The following STK32B variants were observed in gnomAD, a reference collection of about 807,000 sequenced individuals.
The protein encoded by STK32B is serine/threonine-protein kinase 32B.
Under a neutral mutation model 52.6 loss-of-function variants are expected in STK32B, and 43 were observed. The observed-to-expected ratio is 0.82, with a 90% CI of 0.64 to 1.05. STK32B has a LOEUF of 1.05. Among genes scored for constraint, STK32B ranks in the 50% least tolerant of loss-of-function variants. STK32B has a pLI of 0.00. For synonymous variants in STK32B, 238 were observed against 204.3 expected (o/e 1.17, Z -1.41); for missense variants, 621 against 534.6 (o/e 1.16, Z -1.59).
chr4:5,170,450 C>A (rs146980946), intron 3 of STK32B, among the ~76,000 whole-genome samples: 2 of 151,950 alleles, frequency 1.3e-5, no homozygotes, highest in Non-Finnish European at 2.9e-5. Flanking sequence ...CTAATGCTAT[C>A]GCTCCCCCGT....
intron 1 of STK32B, among the ~76,000 whole-genome samples, chr4:5,074,077 C>T (rs1226604867): frequency 3.3e-5 from 5 of 151,880 alleles, no homozygotes; most frequent in Non-Finnish European, 7.4e-5. Context: ...CACATCCCTC[C>T]CCCTTTTATT....
intron 4 of STK32B, among the ~76,000 whole-genome samples, chr4:5,367,009 T>C (rs1734920642): frequency 6.6e-6 from 1 of 152,112 alleles, no homozygotes; most frequent in Non-Finnish European, 1.5e-5. Flanking sequence ...TAGTAAGTAG[T>C]GAAGGGAGTT....
At chr4:5,030,120 A>T in the STK32B span, among the ~76,000 whole-genome samples, 2 of 152,320 alleles carry the variant, frequency 1.3e-5, no homozygotes, top group South Asian at 2.1e-4. Context: ...TTTCCTTTAT[A>T]AATTACCCAG....
At chr4:5,390,958 TTCTA>T (rs1399448295) in intron 4 of STK32B, among the ~76,000 whole-genome samples, 1 of 148,590 alleles carries the variant, frequency 6.7e-6, no homozygotes, top group African/African-American at 2.5e-5. Flanking sequence ...TGTGTCTCTT[TTCTA>T]TCTTTTTTTT....
intron 4 of STK32B, among the ~76,000 whole-genome samples, chr4:5,391,220 A>G (rs1487373357): frequency 6.6e-6 from 1 of 151,936 alleles, no homozygotes; most frequent in Non-Finnish European, 1.5e-5. Flanking sequence ...TTGGCCTCCT[A>G]AAGTGCTGGA....
intron 1 of STK32B, among the ~76,000 whole-genome samples, chr4:5,060,869 G>C (rs1577041366): frequency 1.3e-5 from 2 of 152,236 alleles, no homozygotes; most frequent in South Asian, 4.1e-4. Flanking sequence ...CTGAGCAAAA[G>C]ACAGCTGCCA....
intron 6 of STK32B, among the ~76,000 whole-genome samples, chr4:5,429,472 T>C (rs1209478832): frequency 6.6e-6 from 1 of 152,080 alleles, no homozygotes; most frequent in Non-Finnish European, 1.5e-5. Flanking sequence ...ACATCTTCAA[T>C]TAATCAGAAA....
At chr4:5,265,424 C>T (rs573014054) in intron 3 of STK32B, among the ~76,000 whole-genome samples, 1 of 152,196 alleles carries the variant, frequency 6.6e-6, no homozygotes, top group Non-Finnish European at 1.5e-5. Flanking sequence ...AGACTTGGCT[C>T]AAATATTGAC....
intron 4 of STK32B, among the ~76,000 whole-genome samples, chr4:5,346,336 A>C (rs760254159): frequency 6.6e-6 from 1 of 152,220 alleles, no homozygotes; most frequent in African/African-American, 2.4e-5. Flanking sequence ...GTAAGAGTCC[A>C]GATTTTCTCA....
At position 5,380,365 on chromosome 4, in the gene STK32B, G is replaced by T. The variant is rs537993589; in HGVS notation, c.435-17842G>T. 6.6e-6 allele frequency among the ~76,000 whole-genome samples: 1 copy of T among 152,080 alleles called. No homozygotes were observed. The highest frequency in any genetic ancestry group is 2.4e-5 in the African/African-American group (1 of 41,390). On this transcript the variant is annotated intron_variant, in intron 4 of 11. Coordinates refer to ENST00000282908, the MANE Select transcript of STK32B (RefSeq NM_018401.3). The surrounding 1 kb of genome is among the most constrained non-coding windows in gnomAD (Gnocchi z 4.3). ...TACCCAAGAGAATGCAAAAGGCCAG[G>T]CTTCTGCATTTAAAATTATACTATG...
At chr4:5,162,747 A>G (rs1718542815) in intron 2 of STK32B, among the ~76,000 whole-genome samples, 1 of 152,188 alleles carries the variant, frequency 6.6e-6, no homozygotes, top group Non-Finnish European at 1.5e-5. Context: ...AAAGGCTCTG[A>G]GCAGCCCTGC....
intron 3 of STK32B, among the ~76,000 whole-genome samples, chr4:5,310,929 G>A (rs1020546963): frequency 2.0e-5 from 3 of 152,260 alleles, no homozygotes; most frequent in Admixed American, 6.5e-5. Flanking sequence ...GATAAAATAA[G>A]CCAGGCACAG....
chr4:5,104,357 A>G (rs962030261), intron 1 of STK32B, among the ~76,000 whole-genome samples: 2 of 152,338 alleles, frequency 1.3e-5, no homozygotes, highest in South Asian at 4.1e-4. Flanking sequence ...CTCCCCAGAC[A>G]TGTGGAACTG....
rs1163685833 is a variant in STK32B, at chr4:5,333,230, A to G, written c.434+1837A>G. On this transcript the variant is annotated intron_variant, in intron 4 of 11. Coordinates refer to ENST00000282908, the MANE Select transcript of STK32B (RefSeq NM_018401.3). ...GTATCTCATTGTGGTTTTGATTTGCATTTCTCTGATGGCCAGTGATGGTGA... is the reference window on the plus strand; with the variant it reads ...GTATCTCATTGTGGTTTTGATTTGCGTTTCTCTGATGGCCAGTGATGGTGA... Among the ~76,000 whole-genome samples, 4 of 152,122 alleles carry G rather than the reference A, an allele frequency of 2.6e-5. No individual in the cohort carries two copies. In the East Asian group the frequency reaches 7.7e-4, roughly 29 times the overall value.
chr4:5,229,279 A>G (rs11728216), intron 3 of STK32B, among the ~76,000 whole-genome samples: 17,144 of 151,786 alleles, frequency 0.11, 1,041 homozygotes, highest in Middle Eastern at 0.13. Context: ...GCCACAACTT[A>G]AATAGTACCA....
chr4:5,153,998 T>G (rs1014607012), intron 2 of STK32B, among the ~76,000 whole-genome samples: 2 of 152,138 alleles, frequency 1.3e-5, no homozygotes, highest in Non-Finnish European at 1.5e-5. Context: ...ATTCTAAAAT[T>G]TATATGAAAA....
intron 3 of STK32B, among the ~76,000 whole-genome samples, chr4:5,265,491 C>T (rs1474775663): frequency 2.0e-5 from 3 of 152,182 alleles, no homozygotes; most frequent in Non-Finnish European, 2.9e-5. Context: ...CAGTTGGAAG[C>T]ACCTCAGAGC....
At chr4:5,141,935 T>G (rs1365549613) in intron 2 of STK32B, among the ~76,000 whole-genome samples, 1 of 152,002 alleles carries the variant, frequency 6.6e-6, no homozygotes, top group Non-Finnish European at 1.5e-5. Flanking sequence ...TCTGTGACTT[T>G]GTTAGAGAAG....
At chr4:5,052,262 C>T (rs952630407) in intron 1 of STK32B, among the ~76,000 whole-genome samples, 1 of 152,080 alleles carries the variant, frequency 6.6e-6, no homozygotes, top group Non-Finnish European at 1.5e-5. Context: ...CCCAGGAAAC[C>T]GAGGTTTCCT....
Sources: allele counts gnomAD v4.1 joint callset (sites outside exome capture counted in the v4.1 genomes callset), GRCh38; gene constraint gnomAD v4.1.1; non-coding constraint Gnocchi (gnomAD v3.1); transcripts MANE v1.5; gene names NCBI Gene and HGNC (gene_info 2026-07-23, HGNC 2026-07-21).